The following SLC71A1 variants were observed in gnomAD, a reference collection of about 807,000 sequenced individuals.
The protein encoded by SLC71A1 is solute carrier family 71 member 1.
the SLC71A1 span, among the ~76,000 whole-genome samples, chr1:100,039,998 AAAAT>A: frequency 6.6e-6 from 1 of 152,234 alleles, no homozygotes; most frequent in Non-Finnish European, 1.5e-5. Flanking sequence ...TTTGGGACAC[AAAAT>A]AAAATGTTTG....
At chr1:100,041,817 G>A in the SLC71A1 span, among the ~76,000 whole-genome samples, 5 of 152,064 alleles carry the variant, frequency 3.3e-5, no homozygotes, top group South Asian at 2.1e-4. Flanking sequence ...CCAGCTACCC[G>A]GGAGGCCGAG....
At chr1:100,077,392 C>A in the SLC71A1 span, 1 of 621,702 alleles carries the variant, frequency 1.6e-6, no homozygotes, top group Non-Finnish European at 2.8e-6. Flanking sequence ...TGCTTTTTAT[C>A]TTTCAAAATG....
the SLC71A1 span, chr1:100,049,996 A>G: frequency 5.8e-6 from 9 of 1,557,796 alleles, no homozygotes; most frequent in Non-Finnish European, 8.0e-6. Flanking sequence ...GACAGCACCC[A>G]CCTTGGTGGT....
the SLC71A1 span, chr1:100,080,570 T>TC: frequency 6.2e-7 from 1 of 1,614,104 alleles, no homozygotes; most frequent in Non-Finnish European, 8.5e-7. Flanking sequence ...TGGATTCATT[T>TC]TCTACATATT....
At chr1:100,043,759 T>G in the SLC71A1 span, among the ~76,000 whole-genome samples, 1 of 152,226 alleles carries the variant, frequency 6.6e-6, no homozygotes, top group African/African-American at 2.4e-5. Flanking sequence ...GTCTTACGCC[T>G]TTGCGTCCTC....
At chr1:100,051,097 A>C in the SLC71A1 span, among the ~76,000 whole-genome samples, 7 of 145,844 alleles carry the variant, frequency 4.8e-5, no homozygotes, top group African/African-American at 7.5e-5. Flanking sequence ...AAAAAAAAAA[A>C]CAAAAAAAAA....
chr1:100,065,709 C>T, the SLC71A1 span, among the ~76,000 whole-genome samples: 6 of 131,314 alleles, frequency 4.6e-5, no homozygotes, highest in Non-Finnish European at 7.9e-5. Flanking sequence ...TTTCCCTAAG[C>T]CTTTTCCCTT....
the SLC71A1 span, chr1:100,062,125 T>A: frequency 4.2e-5 from 21 of 494,838 alleles, no homozygotes; most frequent in Non-Finnish European, 6.7e-5. Flanking sequence ...TGAGGCTATG[T>A]AAGTTTTGAT....
chr1:100,064,363 C>T, the SLC71A1 span, among the ~76,000 whole-genome samples: 1 of 152,164 alleles, frequency 6.6e-6, no homozygotes, highest in Non-Finnish European at 1.5e-5. Context: ...AACTCCTGAC[C>T]TTTGGTCCGC....
At chr1:100,053,874 C>T in the SLC71A1 span, among the ~76,000 whole-genome samples, 1 of 152,098 alleles carries the variant, frequency 6.6e-6, no homozygotes, top group Admixed American at 6.5e-5. Flanking sequence ...TGAGGTCTAA[C>T]ACTTTTGAGA....
the SLC71A1 span, among the ~76,000 whole-genome samples, chr1:100,062,611 G>A: frequency 6.6e-6 from 1 of 152,176 alleles, no homozygotes; most frequent in Non-Finnish European, 1.5e-5. Flanking sequence ...ATAGGACAGT[G>A]ATGCATTTCG....
At chr1:100,080,698 T>C in the SLC71A1 span, 2 of 1,567,748 alleles carry the variant, frequency 1.3e-6, no homozygotes, top group Non-Finnish European at 1.7e-6. Context: ...TATGGTTCAT[T>C]TGGCTAGATT....
the SLC71A1 span, chr1:100,059,827 G>A: frequency 2.0e-6 from 3 of 1,468,744 alleles, no homozygotes; most frequent in Admixed American, 2.4e-5. Context: ...TTTATTTTTG[G>A]TTCATGCTCA....
chr1:100,069,534 A>C, the SLC71A1 span: 1 of 805,204 alleles, frequency 1.2e-6, no homozygotes, highest in East Asian at 2.5e-5. Flanking sequence ...TTAAATGTTA[A>C]TATACAAGTA....
the SLC71A1 span, among the ~76,000 whole-genome samples, chr1:100,048,189 A>ATTT: frequency 1.9e-4 from 27 of 139,890 alleles, no homozygotes; most frequent in African/African-American, 2.4e-4. Flanking sequence ...TTTGTGGCCA[A>ATTT]TTTTTTTTTT....
At chr1:100,074,058 C>A in the SLC71A1 span, among the ~76,000 whole-genome samples, 1 of 152,104 alleles carries the variant, frequency 6.6e-6, no homozygotes, top group Admixed American at 6.6e-5. Context: ...AAAGTTCCTG[C>A]CTTCAAGAAG....
At chr1:100,065,805 C>T in the SLC71A1 span, among the ~76,000 whole-genome samples, 1 of 149,642 alleles carries the variant, frequency 6.7e-6, no homozygotes, top group Non-Finnish European at 1.5e-5. Flanking sequence ...CTCTTCTCTC[C>T]TCTCCTCTTC....
At chr1:100,046,049 C>G in the SLC71A1 span, among the ~76,000 whole-genome samples, 5 of 151,868 alleles carry the variant, frequency 3.3e-5, no homozygotes, top group African/African-American at 1.2e-4. Context: ...ACTTCGGTGC[C>G]GTTGTCAAAA....
At chr1:100,039,838 T>C in the SLC71A1 span, among the ~76,000 whole-genome samples, 2 of 152,246 alleles carry the variant, frequency 1.3e-5, no homozygotes, top group South Asian at 4.1e-4. Context: ...TCCTTTTCCT[T>C]GGAAAGTTCA....
Sources: allele counts gnomAD v4.1 joint callset (sites outside exome capture counted in the v4.1 genomes callset), GRCh38; gene constraint gnomAD v4.1.1; transcripts MANE v1.5; gene names NCBI Gene and HGNC (gene_info 2026-07-23, HGNC 2026-07-21).